METAP1D: variants seen among roughly 807,000 people sequenced by gnomAD.
METAP1D encodes the protein methionyl aminopeptidase type 1D, mitochondrial.
Under a neutral mutation model 40.5 loss-of-function variants are expected in METAP1D, and 31 were observed. The observed-to-expected ratio is 0.77, with a 90% CI of 0.58 to 1.03. The LOEUF is 1.03. Ranked by LOEUF, METAP1D falls within the 50% of genes least tolerant of loss-of-function variation. The pLI is 0.00. For missense variants in METAP1D, 411 were observed against 420.7 expected, an observed-to-expected ratio of 0.98 and a Z score of 0.20; for synonymous variants, 151 against 146.4, an observed-to-expected ratio of 1.03 and a Z score of -0.22.
At chr2:172,016,147 G>A (rs1688847499) in intron 1 of METAP1D, among the ~76,000 whole-genome samples, 1 of 145,032 alleles carries the variant, frequency 6.9e-6, no homozygotes, top group Non-Finnish European at 1.5e-5. Context: ...GCGGTCACAT[G>A]TGCCTGTAAT....
chr2:172,043,727 G>C (rs1388989388), intron 1 of METAP1D, among the ~76,000 whole-genome samples: 1 of 134,292 alleles, frequency 7.4e-6, no homozygotes, highest in Non-Finnish European at 1.7e-5. Context: ...GAAAACATTA[G>C]ATCTCCAGTG....
chr2:172,080,226 T>C lies in METAP1D; in HGVS notation c.929+20T>C. On this transcript the variant is annotated intron_variant, in intron 9 of 9. Transcript: ENST00000315796. ...TCAAAGGTGTTTGCTTTCTGCTCTG[T>C]TGCTTTTAAATTGTATGGGAAAGGA... The C allele has an allele frequency of 6.2e-7, 1 of 1,614,154 alleles. No homozygotes were observed. The highest frequency in any genetic ancestry group is 8.5e-7 in the Non-Finnish European group (1 of 1,179,946).
chr2:172,036,835 G>A (rs1689403849), intron 1 of METAP1D, among the ~76,000 whole-genome samples: 1 of 152,154 alleles, frequency 6.6e-6, no homozygotes, highest in Non-Finnish European at 1.5e-5. Context: ...GAGAGATCTT[G>A]TTTTCCCACA....
intron 6 of METAP1D, among the ~76,000 whole-genome samples, chr2:172,075,101 G>T (rs549462793): frequency 1.3e-5 from 2 of 152,292 alleles, no homozygotes; most frequent in East Asian, 3.9e-4. Flanking sequence ...TCTTTTTCAT[G>T]TATAAACTGT....
intron 1 of METAP1D, among the ~76,000 whole-genome samples, chr2:172,060,276 C>G (rs1366661429): frequency 6.6e-6 from 1 of 151,844 alleles, no homozygotes; most frequent in East Asian, 1.9e-4. Context: ...ATTAGCCAGG[C>G]ATGGTAGCAT....
chr2:172,079,339 C>G, intron 8 of METAP1D, 77 bp downstream of exon 8: 2 of 1,328,006 alleles, frequency 1.5e-6, no homozygotes, highest in Admixed American at 1.7e-5. Context: ...CCCGGCAGTC[C>G]GGTGAAGGAC....
At chr2:172,079,810 G>A (rs907192697) in intron 8 of METAP1D, among the ~76,000 whole-genome samples, 1 of 152,128 alleles carries the variant, frequency 6.6e-6, no homozygotes, top group Non-Finnish European at 1.5e-5. Flanking sequence ...TTTATAAGAG[G>A]GACTGGTGTT....
chr2:172,046,583 G>A (rs1373897961), intron 1 of METAP1D, among the ~76,000 whole-genome samples: 2 of 152,204 alleles, frequency 1.3e-5, no homozygotes, highest in Non-Finnish European at 2.9e-5. Context: ...TAGAGGAAGT[G>A]GAGGTGGTTG....
intron 1 of METAP1D, among the ~76,000 whole-genome samples, chr2:172,020,679 A>G (rs62183812): frequency 0.24 from 36,291 of 152,158 alleles, 5,017 homozygotes; most frequent in Middle Eastern, 0.38. Context: ...AGCAAATAAA[A>G]TAAGTAAAGC....
At chr2:172,006,418 C>T (rs947340815) in intron 1 of METAP1D, among the ~76,000 whole-genome samples, 21 of 151,994 alleles carry the variant, frequency 1.4e-4, no homozygotes, top group Admixed American at 7.9e-4. Flanking sequence ...CTCCTGACCT[C>T]GTGATCTGCC....
In METAP1D at chr2:172,061,516, C is replaced by G; in HGVS notation, c.59C>G (p.Ser20Cys). 6.2e-7 allele frequency: 1 copy of G among 1,610,956 alleles called. No homozygotes were observed. The highest frequency in any genetic ancestry group is 8.5e-7 in the Non-Finnish European group (1 of 1,179,090). The change falls in exon 2 of 10, where the codon TCT becomes TGT. Residue 20 changes from serine (S) to cysteine (C), a missense_variant. Ser to Cys is a moderately radical substitution (Grantham distance 112). Transcript: ENST00000315796. ...LVRRGSHRIF[S>C]SPLNHIYLHK... ...CTCACAGGTTCTCATAGAATTTTCT[C>G]TTCACCACTCAATCATATCTACTTA... is the stretch of plus-strand genomic sequence containing the variant.
chr2:172,034,986 CTT>C (rs66853451), intron 1 of METAP1D, among the ~76,000 whole-genome samples: 17 of 135,538 alleles, frequency 1.3e-4, no homozygotes, highest in Middle Eastern at 3.9e-3. Context: ...GAATTTTTTT[CTT>C]TTTTTTTTTT....
rs191048820 is a variant in METAP1D, at chr2:172,005,699, G to A, written c.40+5690G>A. Reference sequence around the variant, plus strand: ...ACTACAGGCACCCGCCACCATGCCCGGCTAATTTTTGTATTTTTTTGTAGA... The same window carrying A: ...ACTACAGGCACCCGCCACCATGCCCAGCTAATTTTTGTATTTTTTTGTAGA... On this transcript the variant is annotated intron_variant, in intron 1 of 9. Coordinates refer to ENST00000315796, the MANE Select transcript of METAP1D (RefSeq NM_199227.3). 2.5e-3 allele frequency among the ~76,000 whole-genome samples: 378 copies of A among 151,020 alleles called. 6 individuals are homozygous for A. Among genetic ancestry groups the A allele is most frequent in the Middle Eastern group, 6.8e-3 (2 of 294 alleles).
rs1246477117 is a variant in METAP1D at position 172,042,258 on chromosome 2, CATATACATATATACAT to C, written c.41-19229_41-19214del. On this transcript the variant is annotated intron_variant, in intron 1 of 9. Coordinates refer to ENST00000315796, the MANE Select transcript of METAP1D (RefSeq NM_199227.3). ...ACATATGTATGTGTACATGTGTACA[CATATACATATATACAT>C]ATATACATATGTATGTGTACATGTG... is the stretch of plus-strand genomic sequence containing the variant. Among the ~76,000 whole-genome samples, 24 of 9,690 alleles carry C rather than the reference CATATACATATATACAT, an allele frequency of 2.5e-3. 1 individual carries two copies. Among genetic ancestry groups the C allele is most frequent in the African/African-American group, 6.2e-3 (18 of 2,910 alleles). 6.4% of individuals were successfully genotyped at this position (9,690 alleles called of 152,430 possible).
chr2:172,006,922 T>A (rs1688600458), intron 1 of METAP1D, among the ~76,000 whole-genome samples: 1 of 152,192 alleles, frequency 6.6e-6, no homozygotes, highest in Admixed American at 6.5e-5. Context: ...TTTTTCTTCT[T>A]ACGTTGTACA....
intron 1 of METAP1D, among the ~76,000 whole-genome samples, chr2:172,019,527 G>A (rs1380296559): frequency 6.6e-6 from 1 of 151,764 alleles, no homozygotes; most frequent in East Asian, 1.9e-4. Context: ...ACCAGCCTGG[G>A]CAACATAGAG....
rs1559026053 is a variant in METAP1D at position 172,081,948 on chromosome 2, C to T, written c.*1542C>T. 6.6e-6 allele frequency: 1 copy of T among 152,374 alleles called. No homozygotes were observed. Among genetic ancestry groups the T allele is most frequent in the African/African-American group, 2.4e-5 (1 of 41,434 alleles). The allele number at this position is 152,374 out of a possible 1,614,324, so 9.4% of individuals were successfully genotyped here. On this transcript the variant is annotated 3_prime_UTR_variant, in exon 10 of 10. Transcript: ENST00000315796. ...TAACACAGGGTTCTCTCGTCGTCCCCCAACCCCTCCAGCTCGGCTTCTTTG... is the reference window on the plus strand; with the variant it reads ...TAACACAGGGTTCTCTCGTCGTCCCTCAACCCCTCCAGCTCGGCTTCTTTG...
intron 1 of METAP1D, among the ~76,000 whole-genome samples, chr2:172,024,748 T>TTGTGTGTGTGTGTGTG (rs61596658): frequency 1.1e-4 from 7 of 66,568 alleles, no homozygotes; most frequent in African/African-American, 2.0e-4. Context: ...GACATATAGA[T>TTGTGTGTGTGTGTGTG]TGTGTGTGTG....
chr2:172,078,176 T>C (rs542218935), intron 7 of METAP1D, among the ~76,000 whole-genome samples: 1 of 152,180 alleles, frequency 6.6e-6, no homozygotes, highest in Non-Finnish European at 1.5e-5. Flanking sequence ...GATATTTGTG[T>C]AGAAAAAGTT....
Sources: gnomAD v4.1 joint callset for allele counts (sites outside exome capture counted in the v4.1 genomes callset) on GRCh38, gnomAD v4.1.1 for gene constraint, MANE v1.5 for transcripts, NCBI Gene and HGNC (gene_info 2026-07-23, HGNC 2026-07-21) for gene names.